RORA: variants seen among roughly 807,000 people sequenced by gnomAD.
RORA encodes nuclear receptor ROR-alpha.
A neutral mutation model predicts 69.5 loss-of-function variants in RORA; 7 were observed. The ratio of observed to expected loss-of-function variants is 0.10; its 90% CI spans 0.06 to 0.19. The LOEUF is 0.19. RORA is among the 10% of genes least tolerant of loss of function. The pLI, the probability that RORA is intolerant of heterozygous loss-of-function variation, is 1.00. For missense variants in RORA, 457 were observed against 663.0 expected (o/e 0.69, Z 3.41); for synonymous variants, 261 against 240.8 (o/e 1.08, Z -0.78).
chr15:60,724,137 G>C (rs2071327966), intron 1 of RORA, among the ~76,000 whole-genome samples: 1 of 152,026 alleles, frequency 6.6e-6, no homozygotes, highest in African/African-American at 2.4e-5. Flanking sequence ...ACTCTATGTG[G>C]TATTATAAGC....
intron 1 of RORA, among the ~76,000 whole-genome samples, chr15:61,039,307 T>C (rs1002750398): frequency 2.0e-5 from 3 of 152,220 alleles, no homozygotes; most frequent in African/African-American, 7.2e-5. Flanking sequence ...AGTTGGGCTC[T>C]TGTCAACCTC....
At chr15:60,896,020 T>C (rs1026659864) in intron 1 of RORA, among the ~76,000 whole-genome samples, 1 of 152,224 alleles carries the variant, frequency 6.6e-6, no homozygotes, top group Non-Finnish European at 1.5e-5. Context: ...AAGGGTCATC[T>C]TATTCATTCT....
At chr15:61,107,622 C>T (rs147076488) in intron 1 of RORA, among the ~76,000 whole-genome samples, 37 of 151,870 alleles carry the variant, frequency 2.4e-4, no homozygotes, top group African/African-American at 8.7e-4. Context: ...CTAAGATCTA[C>T]AAACTATTGA....
At chr15:60,865,082 T>C (rs2073473239) in intron 1 of RORA, among the ~76,000 whole-genome samples, 1 of 152,172 alleles carries the variant, frequency 6.6e-6, no homozygotes, top group Non-Finnish European at 1.5e-5. Flanking sequence ...AGATCCTGGT[T>C]CTCCCATTGC....
At chr15:61,059,935 CAAGAAGAAGAAG>C in intron 1 of RORA, among the ~76,000 whole-genome samples, 1 of 86,732 alleles carries the variant, frequency 1.2e-5, no homozygotes, top group African/African-American at 4.3e-5. Flanking sequence ...AGAAGAAGAA[CAAGAAGAAGAAG>C]AAGAAGAAGA....
chr15:60,714,926 G>A (rs147982611), intron 1 of RORA, among the ~76,000 whole-genome samples: 4 of 152,294 alleles, frequency 2.6e-5, no homozygotes, highest in Non-Finnish European at 4.4e-5. Flanking sequence ...CAATCCCTGA[G>A]AGTTGAGAGA....
chr15:61,211,289 A>AT (rs752395424), intron 1 of RORA, among the ~76,000 whole-genome samples: 60 of 124,298 alleles, frequency 4.8e-4, no homozygotes, highest in East Asian at 1.8e-3. Flanking sequence ...AACAGCAAAA[A>AT]AAAAAAAAAA....
At chr15:60,913,808 C>T (rs1382149807) in intron 1 of RORA, among the ~76,000 whole-genome samples, 4 of 152,148 alleles carry the variant, frequency 2.6e-5, no homozygotes, top group Admixed American at 2.6e-4. Context: ...GGGGTCTCAA[C>T]AAAAAATATT....
chr15:61,045,277 C>T (rs80072781), intron 1 of RORA, among the ~76,000 whole-genome samples: 4,343 of 152,202 alleles, frequency 0.029, 84 homozygotes, highest in Non-Finnish European at 0.045. Flanking sequence ...GCTTGCCTGC[C>T]GCCATGTAAG....
intron 1 of RORA, among the ~76,000 whole-genome samples, chr15:61,210,921 C>T (rs556316869): frequency 2.6e-5 from 4 of 152,358 alleles, no homozygotes; most frequent in Admixed American, 2.0e-4. Flanking sequence ...CCCTGACCCT[C>T]AGCTGTCGCT....
intron 1 of RORA, among the ~76,000 whole-genome samples, chr15:60,956,339 A>C (rs1232847309): frequency 6.6e-6 from 1 of 152,216 alleles, no homozygotes; most frequent in African/African-American, 2.4e-5. Context: ...AGCAATTCCA[A>C]AAGGTAGATA....
chr15:60,771,782 C>T (rs1202893352), intron 1 of RORA, among the ~76,000 whole-genome samples: 1 of 152,202 alleles, frequency 6.6e-6, no homozygotes, highest in African/African-American at 2.4e-5. Flanking sequence ...CACTTGTTCT[C>T]TCTGTAGATC....
chr15:60,546,058 G>A (rs993903492), intron 2 of RORA, among the ~76,000 whole-genome samples: 1 of 152,146 alleles, frequency 6.6e-6, no homozygotes, highest in African/African-American at 2.4e-5. Context: ...GGAACCATCC[G>A]TTCCACCTGC....
chr15:61,143,316 G>A (rs1281492651), intron 1 of RORA, among the ~76,000 whole-genome samples: 1 of 152,012 alleles, frequency 6.6e-6, no homozygotes, highest in Non-Finnish European at 1.5e-5. Flanking sequence ...GTAAAAGCTG[G>A]CAAAATAATG....
At chr15:60,651,603 C>G (rs1011416724) in intron 2 of RORA, among the ~76,000 whole-genome samples, 1 of 152,178 alleles carries the variant, frequency 6.6e-6, no homozygotes. Context: ...AGCTACATCC[C>G]TTTACCCAAC....
intron 1 of RORA, among the ~76,000 whole-genome samples, chr15:60,727,238 G>C (rs2071371753): frequency 6.6e-6 from 1 of 152,174 alleles, no homozygotes. Context: ...AACCATTCTT[G>C]TGCCTCCTTC....
intron 1 of RORA, among the ~76,000 whole-genome samples, chr15:60,911,179 C>A (rs544125879): frequency 2.7e-5 from 4 of 146,828 alleles, no homozygotes; most frequent in African/African-American, 1.0e-4. Flanking sequence ...AGGTGATTCA[C>A]CTGCCTCAGC....
At chr15:60,611,527 T>C (rs927726734) in intron 2 of RORA, among the ~76,000 whole-genome samples, 2 of 119,690 alleles carry the variant, frequency 1.7e-5, no homozygotes. Context: ...AAAATCAACA[T>C]GTATCTTTAC....
intron 1 of RORA, among the ~76,000 whole-genome samples, chr15:60,702,531 C>T (rs1225321463): frequency 2.0e-5 from 3 of 152,182 alleles, no homozygotes; most frequent in African/African-American, 7.2e-5. Context: ...CGCGCCTGGC[C>T]AGTTTCAAGG....
Sources: allele counts gnomAD v4.1 joint callset (sites outside exome capture counted in the v4.1 genomes callset), GRCh38; gene constraint gnomAD v4.1.1; transcripts MANE v1.5; gene names NCBI Gene and HGNC (gene_info 2026-07-23, HGNC 2026-07-21).